The following PHLPP1 variants were observed in gnomAD, a reference collection of about 807,000 sequenced individuals.
The protein encoded by PHLPP1 is PH domain and leucine rich repeat protein phosphatase 1.
PHLPP1 carries 42 observed loss-of-function variants against 117.2 expected under a neutral mutation model. That is an observed-to-expected ratio of 0.36 (90% CI 0.28 to 0.46). The LOEUF (loss-of-function observed/expected upper bound fraction) is 0.46, where lower values mean the gene tolerates loss of function less well. Among genes scored for constraint, PHLPP1 ranks in the 20% least tolerant of loss-of-function variants. The pLI is 1.00. For missense variants in PHLPP1, 2,084 were observed against 2,241.9 expected (o/e 0.93, Z 1.42); for synonymous variants, 1,042 against 970.7 (o/e 1.07, Z -1.37).
At chr18:62,889,019 A>C (rs933019852) in intron 4 of PHLPP1, among the ~76,000 whole-genome samples, 1 of 152,200 alleles carries the variant, frequency 6.6e-6, no homozygotes, top group South Asian at 2.1e-4. Context: ...TGGATCTGCA[A>C]ATGTCCTATA....
At chr18:62,795,718 G>A (rs1297907423) in intron 1 of PHLPP1, among the ~76,000 whole-genome samples, 2 of 152,036 alleles carry the variant, frequency 1.3e-5, no homozygotes, top group African/African-American at 2.4e-5. Context: ...ACATCCCTTA[G>A]CGCCTCCAAT....
At chr18:62,868,651 A>T (rs548777710) in intron 4 of PHLPP1, among the ~76,000 whole-genome samples, 1 of 151,842 alleles carries the variant, frequency 6.6e-6, no homozygotes. Context: ...GTTGTATCTT[A>T]AAATTGTATA....
At chr18:62,743,776 TC>T (rs1911600196) in intron 1 of PHLPP1, among the ~76,000 whole-genome samples, 2 of 151,962 alleles carry the variant, frequency 1.3e-5, no homozygotes, top group African/African-American at 4.8e-5. Flanking sequence ...TCTTCCACCC[TC>T]CCCCTCTCCC....
chr18:62,975,751 T>C, intron 16 of PHLPP1, 126 bp downstream of exon 16: 2 of 653,598 alleles, frequency 3.1e-6, no homozygotes, highest in South Asian at 1.8e-5. Flanking sequence ...GACATTAGAA[T>C]TCCAAATCCA....
intron 10 of PHLPP1, among the ~76,000 whole-genome samples, chr18:62,939,115 C>G (rs1351750381): frequency 6.6e-6 from 1 of 151,458 alleles, no homozygotes; most frequent in Non-Finnish European, 1.5e-5. Context: ...CTCACCCTCT[C>G]GAGTAGCTGG....
intron 1 of PHLPP1, among the ~76,000 whole-genome samples, chr18:62,747,609 T>C (rs986362550): frequency 1.3e-5 from 2 of 152,006 alleles, no homozygotes; most frequent in Admixed American, 1.3e-4. Flanking sequence ...CTTGAACTCC[T>C]GGGCTCAAGC....
intron 4 of PHLPP1, among the ~76,000 whole-genome samples, chr18:62,886,763 T>C (rs1916297805): frequency 6.6e-6 from 1 of 152,254 alleles, no homozygotes. Context: ...ACCTGAGTGA[T>C]GCTCATTGCT....
At chr18:62,741,834 GC>G (rs775117746) in intron 1 of PHLPP1, among the ~76,000 whole-genome samples, 12 of 151,466 alleles carry the variant, frequency 7.9e-5, no homozygotes, top group Non-Finnish European at 1.8e-4. Context: ...GAGGTAGGAA[GC>G]CCGGCAAGTT....
intron 1 of PHLPP1, among the ~76,000 whole-genome samples, chr18:62,740,517 A>T (rs1467272041): frequency 6.6e-6 from 1 of 152,230 alleles, no homozygotes; most frequent in Non-Finnish European, 1.5e-5. Flanking sequence ...ACAATTAATA[A>T]ATAATAAACA....
intron 4 of PHLPP1, among the ~76,000 whole-genome samples, chr18:62,882,487 C>T (rs1916194297): frequency 6.6e-6 from 1 of 152,012 alleles, no homozygotes; most frequent in South Asian, 2.1e-4. Context: ...TCTCAATCTC[C>T]TGACCTCGTG....
chr18:62,896,295 G>GTTT lies in PHLPP1; in HGVS notation c.2444+296_2444+298dup, dbSNP rs11373740. Among the ~76,000 whole-genome samples, 716 of 140,218 alleles carry GTTT rather than the reference G, an allele frequency of 5.1e-3. 11 individuals are homozygous for GTTT. The highest frequency in any genetic ancestry group is 0.012 in the African/African-American group (448 of 38,350). The allele number at this position is 140,218 out of a possible 152,430, so 92.0% of individuals were successfully genotyped here. On this transcript the variant is annotated intron_variant, in intron 6 of 16. Coordinates refer to ENST00000262719, the MANE Select transcript of PHLPP1 (RefSeq NM_194449.4). The stretch of plus-strand genomic sequence containing the variant: ...GGTTTTTGTTTTTTTTGTTGTTCTT[G>GTTT]TTTTTTTTTTTTTTGAGTCAAAGTC...
intron 4 of PHLPP1, among the ~76,000 whole-genome samples, chr18:62,882,511 G>A (rs545293101): frequency 3.3e-5 from 5 of 151,780 alleles, no homozygotes; most frequent in South Asian, 2.1e-4. Flanking sequence ...TGCCTGCCTC[G>A]GCCTCCCAAA....
intron 1 of PHLPP1, among the ~76,000 whole-genome samples, chr18:62,772,154 C>A (rs1488009011): frequency 1.3e-5 from 2 of 152,188 alleles, no homozygotes. Flanking sequence ...GAATTCTCAA[C>A]TGTGTTCAGT....
intron 10 of PHLPP1, among the ~76,000 whole-genome samples, chr18:62,936,679 A>G (rs979305307): frequency 2.0e-5 from 3 of 152,344 alleles, no homozygotes; most frequent in East Asian, 1.9e-4. Context: ...CCAAAAACGC[A>G]TGACCTTACT....
At chr18:62,743,761 T>A (rs1470285620) in intron 1 of PHLPP1, among the ~76,000 whole-genome samples, 1 of 152,106 alleles carries the variant, frequency 6.6e-6, no homozygotes, top group Non-Finnish European at 1.5e-5. Context: ...TCTTCTTCCC[T>A]CTCCTCTTCC....
intron 1 of PHLPP1, among the ~76,000 whole-genome samples, chr18:62,746,205 C>A (rs1911668752): frequency 6.6e-6 from 1 of 152,096 alleles, no homozygotes; most frequent in Non-Finnish European, 1.5e-5. Flanking sequence ...GCCACCATAC[C>A]CGGCTAATTT....
intron 4 of PHLPP1, among the ~76,000 whole-genome samples, chr18:62,877,040 G>A (rs1165339435): frequency 1.3e-5 from 2 of 152,100 alleles, no homozygotes; most frequent in Non-Finnish European, 2.9e-5. Context: ...AGAAATGAGC[G>A]ATGAGAAACT....
At position 62,894,963 on chromosome 18, in the gene PHLPP1, A is replaced by T. The variant is rs748562725; in HGVS notation, c.2067-48A>T. On this transcript the variant is annotated intron_variant, in intron 4 of 16. Coordinates refer to ENST00000262719, the MANE Select transcript of PHLPP1 (RefSeq NM_194449.4). ...TAGGCTATGCTAAAATTATGATGTT[A>T]ATGACATTTGTCTCTTTTTTCCCTT... The T allele has an allele frequency of 6.2e-6, 9 of 1,441,578 alleles. No individual in the cohort carries two copies. In the African/African-American group the frequency reaches 1.1e-4, roughly 18 times the overall value. The allele number at this position is 1,441,578 out of a possible 1,614,324, so 89.3% of individuals were successfully genotyped here. A position where few individuals can be genotyped will look rare whatever the true frequency, so the allele number is the denominator to read the frequency against.
intron 1 of PHLPP1, among the ~76,000 whole-genome samples, chr18:62,761,111 C>T (rs1354324264): frequency 1.3e-5 from 2 of 151,908 alleles, no homozygotes; most frequent in African/African-American, 4.8e-5. Flanking sequence ...GCAATCTGCC[C>T]GCCCTGGCCT....
Sources: gnomAD v4.1 joint callset for allele counts (sites outside exome capture counted in the v4.1 genomes callset) on GRCh38, gnomAD v4.1.1 for gene constraint, MANE v1.5 for transcripts, NCBI Gene and HGNC (gene_info 2026-07-23, HGNC 2026-07-21) for gene names.